Variants in ADGRV1 observed in about 807,000 individuals in gnomAD.
ADGRV1 encodes the protein G-protein coupled receptor 98.
A neutral mutation model predicts 596.2 loss-of-function variants in ADGRV1; 359 were observed. The ratio of observed to expected loss-of-function variants is 0.60; its 90% CI spans 0.55 to 0.66. ADGRV1 has a LOEUF of 0.66. Among genes scored for constraint, ADGRV1 ranks in the 30% least tolerant of loss-of-function variants. ADGRV1 has a pLI of 0.00. For missense variants in ADGRV1, 7,274 were observed against 7,575.6 expected (o/e 0.96, Z 1.48); for synonymous variants, 2,681 against 2,679.2 (o/e 1.00, Z -0.02).
At chr5:90,661,545 A>C (rs62375094) in intron 21 of ADGRV1, among the ~76,000 whole-genome samples, 7 of 151,940 alleles carry the variant, frequency 4.6e-5, no homozygotes, top group African/African-American at 1.7e-4. Context: ...TTAATTTTCT[A>C]TTGCAATAGA....
chr5:90,570,504 C>T (rs1756379735), intron 1 of ADGRV1, among the ~76,000 whole-genome samples: 1 of 151,822 alleles, frequency 6.6e-6, no homozygotes, highest in African/African-American at 2.4e-5. Context: ...ATTTCTTCAG[C>T]CATATTTCTT....
At chr5:90,973,227 A>G (rs1433700634) in intron 84 of ADGRV1, among the ~76,000 whole-genome samples, 1 of 152,178 alleles carries the variant, frequency 6.6e-6, no homozygotes, top group Non-Finnish European at 1.5e-5. Context: ...ACCAACCAAA[A>G]AAAGTCCAGG....
intron 83 of ADGRV1, among the ~76,000 whole-genome samples, chr5:90,927,587 A>G (rs1774644003): frequency 2.0e-5 from 3 of 152,094 alleles, no homozygotes. Flanking sequence ...ACTCTATCCA[A>G]TTTGCCAGTC....
intron 89 of ADGRV1, among the ~76,000 whole-genome samples, chr5:91,154,006 C>T (rs1023169875): frequency 2.0e-5 from 3 of 152,242 alleles, no homozygotes; most frequent in Non-Finnish European, 4.4e-5. Flanking sequence ...TTAAGGGTCA[C>T]ACGCTCCTGG....
At chr5:91,154,405 A>G (rs923518874) in intron 89 of ADGRV1, among the ~76,000 whole-genome samples, 4 of 152,238 alleles carry the variant, frequency 2.6e-5, no homozygotes, top group African/African-American at 9.6e-5. Context: ...ATTTTATTAT[A>G]TCTTGAAAAA....
chr5:90,787,936 G>A (rs970692376), intron 67 of ADGRV1, 135 bp from the exon 68 acceptor site: 25 of 573,476 alleles, frequency 4.4e-5, no homozygotes, highest in Admixed American at 3.7e-5. Context: ...TTATGAAACA[G>A]GAATTTGATG....
intron 83 of ADGRV1, among the ~76,000 whole-genome samples, chr5:90,900,144 A>G (rs182255481): frequency 6.6e-6 from 1 of 152,230 alleles, no homozygotes; most frequent in African/African-American, 2.4e-5. Flanking sequence ...TTTAGGTGTC[A>G]CTCCCATTAT....
chr5:91,105,697 T>C (rs1260050154), intron 87 of ADGRV1, among the ~76,000 whole-genome samples: 1 of 152,198 alleles, frequency 6.6e-6, no homozygotes, highest in Non-Finnish European at 1.5e-5. Flanking sequence ...GTTCCTTGTA[T>C]GTTCTGCATA....
At chr5:90,693,164 G>A (rs1746713055) in intron 32 of ADGRV1, among the ~76,000 whole-genome samples, 1 of 30,786 alleles carries the variant, frequency 3.2e-5, no homozygotes, top group Non-Finnish European at 5.6e-5. Flanking sequence ...TTGTGAGGCA[G>A]CATTGGGCTC....
chr5:90,907,146 T>C (rs73771113), intron 83 of ADGRV1, among the ~76,000 whole-genome samples: 30,847 of 152,068 alleles, frequency 0.2, 5,053 homozygotes, highest in African/African-American at 0.44. Flanking sequence ...CATGGTGGCA[T>C]TGTTGACATT....
intron 83 of ADGRV1, among the ~76,000 whole-genome samples, chr5:90,914,886 C>A (rs1018707205): frequency 1.3e-5 from 2 of 152,168 alleles, no homozygotes; most frequent in African/African-American, 4.8e-5. Context: ...AAGACAAATT[C>A]TCTAAGTAAC....
intron 9 of ADGRV1, among the ~76,000 whole-genome samples, chr5:90,631,770 C>G (rs1366551434): frequency 1.3e-5 from 2 of 152,012 alleles, no homozygotes; most frequent in African/African-American, 4.8e-5. Flanking sequence ...AATGGCCACG[C>G]ACATGACTTG....
chr5:90,968,561 T>G (rs548635377), intron 84 of ADGRV1, among the ~76,000 whole-genome samples: 4 of 152,202 alleles, frequency 2.6e-5, no homozygotes, highest in Non-Finnish European at 5.9e-5. Context: ...ACACCACACA[T>G]TTTTCATGGT....
intron 83 of ADGRV1, among the ~76,000 whole-genome samples, chr5:90,875,486 C>A (rs1349021354): frequency 6.6e-6 from 1 of 152,118 alleles, no homozygotes; most frequent in South Asian, 2.1e-4. Context: ...TCAAGAAAGC[C>A]CATACTGCTC....
At position 90,789,719 on chromosome 5, in the gene ADGRV1, C is replaced by T. The variant is rs1260616858; in HGVS notation, c.13911C>T (p.Asp4637=). 1 of 1,554,292 alleles carries T rather than the reference C, an allele frequency of 6.4e-7. No homozygotes were observed. Among genetic ancestry groups the T allele is most frequent in the South Asian group, 1.2e-5 (1 of 83,626 alleles). Residue 4637 remains aspartate, a synonymous_variant, in exon 69 of 90, where the codon GAC becomes GAT. Coordinates refer to ENST00000405460, the MANE Select transcript of ADGRV1 (RefSeq NM_032119.4). The part of the protein sequence containing the change: ...DVTLTIQEFG[D]PNGVVQFAPE... ...TTTTTTAGATACAAGAGTTTGGTGA[C>T]CCAAATGGAGTTGTTCAGTTTGCTC...
intron 85 of ADGRV1, among the ~76,000 whole-genome samples, chr5:91,028,175 G>A (rs1315453189): frequency 1.3e-5 from 2 of 151,666 alleles, no homozygotes; most frequent in Non-Finnish European, 2.9e-5. Flanking sequence ...TCCTCCTTTG[G>A]GGTCGTCTGA....
chr5:90,960,604 A>T (rs1045011292), intron 83 of ADGRV1, among the ~76,000 whole-genome samples: 1 of 152,220 alleles, frequency 6.6e-6, no homozygotes, highest in Non-Finnish European at 1.5e-5. Flanking sequence ...AAGTTTGTTT[A>T]TGATTGAAAG....
chr5:90,845,976 G>T (rs924618726), intron 78 of ADGRV1, among the ~76,000 whole-genome samples: 2 of 152,024 alleles, frequency 1.3e-5, no homozygotes. Flanking sequence ...TTTCCCTGTG[G>T]GTTATTCTCC....
rs866374205 is a variant in ADGRV1 at position 90,683,666 on chromosome 5, C to T, written c.5745C>T (p.Phe1915=). 2 of 1,613,696 alleles carry T rather than the reference C, an allele frequency of 1.2e-6. No homozygotes were observed. The highest frequency in any genetic ancestry group is 8.5e-7 in the Non-Finnish European group (1 of 1,179,704). The change falls in exon 28 of 90, where the codon TTC becomes TTT. Residue 1915 remains phenylalanine (F), a synonymous_variant. Transcript: ENST00000405460. ...IDSDPDGDLA[F]TSGNITFEIG... ...CTGATCCTGATGGTGATCTCGCCTTCACCTCTGGCAACATCACATTTGAGA... is the reference window on the plus strand; with the variant it reads ...CTGATCCTGATGGTGATCTCGCCTTTACCTCTGGCAACATCACATTTGAGA...
Sources: allele counts gnomAD v4.1 joint callset (sites outside exome capture counted in the v4.1 genomes callset), GRCh38; gene constraint gnomAD v4.1.1; transcripts MANE v1.5; gene names NCBI Gene and HGNC (gene_info 2026-07-23, HGNC 2026-07-21).